The following LCOR variants were observed in gnomAD, a reference collection of about 807,000 sequenced individuals.
LCOR encodes the protein ligand-dependent corepressor.
A neutral mutation model predicts 64.4 loss-of-function variants in LCOR; 14 were observed. The observed-to-expected ratio is 0.22, with a 90% CI of 0.14 to 0.34. LCOR has a LOEUF of 0.34. LCOR is among the 10% of genes least tolerant of loss of function. The probability of loss-of-function intolerance (pLI) is 1.00; values close to 1 mark genes in which losing one functional copy is unlikely to be tolerated. For missense variants in LCOR, 1,686 were observed against 1,765.3 expected (o/e 0.96, Z 0.80); for synonymous variants, 643 against 642.5 (o/e 1.00, Z -0.01).
At chr10:96,926,274 G>A (rs868505465) in intron 4 of LCOR, among the ~76,000 whole-genome samples, 7 of 152,080 alleles carry the variant, frequency 4.6e-5, no homozygotes, top group South Asian at 2.1e-4. Context: ...CTGAAATGTC[G>A]TTAACTCATA....
intron 1 of LCOR, chr10:96,832,814 G>A (rs1589590712): frequency 5.6e-6 from 1 of 179,998 alleles, no homozygotes; most frequent in East Asian, 1.9e-4. Context: ...GGCGCGAGGG[G>A]CGCGGGCGTG....
chr10:96,847,966 C>T (rs559319942), intron 2 of LCOR, among the ~76,000 whole-genome samples: 88 of 152,226 alleles, frequency 5.8e-4, no homozygotes, highest in African/African-American at 2.1e-3. Flanking sequence ...GAAAAAGTGG[C>T]AGGTTTGTTT....
At chr10:96,894,107 T>A (rs1245468397) in intron 2 of LCOR, among the ~76,000 whole-genome samples, 1 of 152,168 alleles carries the variant, frequency 6.6e-6, no homozygotes, top group Non-Finnish European at 1.5e-5. Context: ...TTATTTATTT[T>A]TTGTAATGGA....
intron 2 of LCOR, among the ~76,000 whole-genome samples, chr10:96,841,749 A>T (rs999233244): frequency 1.9e-4 from 29 of 151,712 alleles, no homozygotes; most frequent in African/African-American, 5.6e-4. Context: ...GTTGTTTTAA[A>T]AAATAAATAA....
chr10:96,897,061 GAGAGAGAGAGAGAA>G (rs375020038), intron 2 of LCOR, among the ~76,000 whole-genome samples: 63 of 107,852 alleles, frequency 5.8e-4, no homozygotes, highest in African/African-American at 1.9e-3. Context: ...ATGAGAGAGA[GAGAGAGAGAGAGAA>G]AGAGAAAGAG....
intron 2 of LCOR, among the ~76,000 whole-genome samples, chr10:96,883,980 AAT>A (rs1213926940): frequency 1.2e-4 from 19 of 152,200 alleles, no homozygotes; most frequent in African/African-American, 4.3e-4. Context: ...CAGATACAAT[AAT>A]ATATGGTTAT....
intron 2 of LCOR, among the ~76,000 whole-genome samples, chr10:96,850,150 A>G (rs1489772323): frequency 2.0e-5 from 3 of 152,192 alleles, no homozygotes; most frequent in Non-Finnish European, 4.4e-5. Context: ...TAAAAAATAG[A>G]AAAGCACTGC....
intron 7 of LCOR, among the ~76,000 whole-genome samples, chr10:96,972,594 T>G (rs1848007674): frequency 6.6e-6 from 1 of 152,184 alleles, no homozygotes. Flanking sequence ...ATCTTCTTGA[T>G]AGTTATATTT....
chr10:96,923,058 G>T (rs931204462), intron 4 of LCOR, among the ~76,000 whole-genome samples: 1 of 152,212 alleles, frequency 6.6e-6, no homozygotes, highest in African/African-American at 2.4e-5. Context: ...AAGGTTTTCT[G>T]TTAGATAATT....
chr10:96,941,227 C>T (rs1467827401), intron 4 of LCOR, among the ~76,000 whole-genome samples: 10 of 129,936 alleles, frequency 7.7e-5, no homozygotes, highest in African/African-American at 1.2e-4. Flanking sequence ...GGCGGCTGGC[C>T]GGGCGGGGGG....
chr10:96,917,621 GTTTGGTAA>G (rs1038993714), intron 4 of LCOR, among the ~76,000 whole-genome samples: 16 of 152,164 alleles, frequency 1.1e-4, no homozygotes, highest in African/African-American at 3.9e-4. Flanking sequence ...AGAGTGGTTG[GTTTGGTAA>G]TTGTTTTTAG....
In LCOR at chr10:96,982,052, G is replaced by T; in HGVS notation, c.1592G>T (p.Cys531Phe). The change falls in exon 8 of 8, where the codon TGC becomes TTC. Residue 531 changes from cysteine to phenylalanine, a missense_variant. This residue lies in a region of LCOR where 1,293 missense variants were observed against 1,410.4 expected (regional missense o/e 0.92). Transcript: ENST00000421806. ...TTACACTCCCAGGAAAAAGCAAGCT[G>T]CTCAGCATTGGCATCAGAGGCAGTT... is the stretch of plus-strand genomic sequence containing the variant. ...RNLHSQEKASCSALASEAVFT... is the reference protein window; with the variant it reads ...RNLHSQEKASFSALASEAVFT... 6.2e-7 allele frequency: 1 copy of T among 1,614,154 alleles called. No homozygotes were observed. Among genetic ancestry groups the T allele is most frequent in the Non-Finnish European group, 8.5e-7 (1 of 1,180,026 alleles).
At chr10:96,910,914 G>A (rs1846819708) in intron 4 of LCOR, among the ~76,000 whole-genome samples, 1 of 152,118 alleles carries the variant, frequency 6.6e-6, no homozygotes, top group African/African-American at 2.4e-5. Context: ...TTAAAAACAC[G>A]TAGGTGAAAA....
At chr10:96,926,176 C>A (rs1047639383) in intron 4 of LCOR, among the ~76,000 whole-genome samples, 4 of 151,978 alleles carry the variant, frequency 2.6e-5, no homozygotes, top group Admixed American at 6.6e-5. Flanking sequence ...CTTTTTTGCC[C>A]ATCTGCATAC....
chr10:96,860,530 C>G (rs1018063491), intron 2 of LCOR, among the ~76,000 whole-genome samples: 3 of 152,222 alleles, frequency 2.0e-5, no homozygotes, highest in African/African-American at 4.8e-5. Flanking sequence ...TGGTTTCTGA[C>G]TTCTAGCCTC....
chr10:96,839,991 T>C (rs981140857), intron 2 of LCOR, among the ~76,000 whole-genome samples: 3 of 152,254 alleles, frequency 2.0e-5, no homozygotes, highest in Non-Finnish European at 4.4e-5. Context: ...TATATTTTGT[T>C]TCCTGGTGCT....
intron 4 of LCOR, among the ~76,000 whole-genome samples, chr10:96,930,097 A>G (rs1312076207): frequency 2.6e-5 from 4 of 152,216 alleles, no homozygotes; most frequent in African/African-American, 9.7e-5. Context: ...TGTGACACCA[A>G]GTGGTGTCAC....
At chr10:96,913,264 G>A (rs1846876726) in intron 4 of LCOR, among the ~76,000 whole-genome samples, 1 of 152,132 alleles carries the variant, frequency 6.6e-6, no homozygotes, top group Non-Finnish European at 1.5e-5. Flanking sequence ...TAAAATACAT[G>A]TGTAGCTATG....
chr10:96,880,420 A>G (rs1272877025), intron 2 of LCOR, among the ~76,000 whole-genome samples: 1 of 151,918 alleles, frequency 6.6e-6, no homozygotes, highest in East Asian at 1.9e-4. Flanking sequence ...TTGTTTTGGG[A>G]AGAGTCTCAC....
Sources: allele counts gnomAD v4.1 joint callset (sites outside exome capture counted in the v4.1 genomes callset), GRCh38; gene constraint gnomAD v4.1.1; regional missense constraint gnomAD v4.1.1; transcripts MANE v1.5; gene names NCBI Gene and HGNC (gene_info 2026-07-23, HGNC 2026-07-21).